TFAP2C: variants seen among roughly 807,000 people sequenced by gnomAD.
TFAP2C encodes transcription factor AP-2 gamma.
A neutral mutation model predicts 42.9 loss-of-function variants in TFAP2C; 9 were observed. That is an observed-to-expected ratio of 0.21 (90% CI 0.13 to 0.37). The LOEUF (loss-of-function observed/expected upper bound fraction) is 0.37. Ranked by LOEUF, TFAP2C falls within the 10% of genes least tolerant of loss-of-function variation. The pLI, the probability that TFAP2C is intolerant of heterozygous loss-of-function variation, is 1.00. For synonymous variants in TFAP2C, 264 were observed against 256.0 expected, an observed-to-expected ratio of 1.03 and a Z score of -0.30; for missense variants, 462 against 591.7, an observed-to-expected ratio of 0.78 and a Z score of 2.27.
At position 56,637,764 on chromosome 20, in the gene TFAP2C, A is replaced by C; in HGVS notation, c.1104A>C (p.Gln368His). ...AAGAATTCACAGAACTTCTCAGCCA[A>C]GACCGGACACCCCATGGGACCAGCA... Reference protein sequence around the residue: ...LCKEFTELLSQDRTPHGTSRL... With the variant: ...LCKEFTELLSHDRTPHGTSRL... The change falls in exon 7 of 7, where the codon CAA (glutamine) becomes CAC (histidine). Residue 368 changes from glutamine (Q) to histidine (H), a missense_variant. Physicochemically the swap from Gln to His is conservative, Grantham distance 24. Transcript: ENST00000201031. 1 of 1,614,212 alleles carries C rather than the reference A, an allele frequency of 6.2e-7. No individual in the cohort carries two copies. Among genetic ancestry groups the C allele is most frequent in the Non-Finnish European group, 8.5e-7 (1 of 1,180,042 alleles).
In TFAP2C at chr20:56,631,906, G is replaced by C. The variant is rs748910870; in HGVS notation, c.586+50G>C. On this transcript the variant is annotated intron_variant, in intron 3 of 6. Coordinates refer to ENST00000201031, the MANE Select transcript of TFAP2C (RefSeq NM_003222.4). This position sits in a 1 kb window ranked among gnomAD's most constrained non-coding sequence, Gnocchi z 6.1. ...AACTCTGGTCACACGATCTGGGCTTGTGAAGTTGACTGGCAAGGTTGGGGG... is the reference window on the plus strand; with the variant it reads ...AACTCTGGTCACACGATCTGGGCTTCTGAAGTTGACTGGCAAGGTTGGGGG... The C allele has an allele frequency of 1.9e-6, 3 of 1,608,668 alleles. No homozygotes were observed. In the African/African-American group the frequency reaches 4.0e-5, roughly 21 times the overall value.
rs189017094 is a variant in TFAP2C at position 56,631,041 on chromosome 20, C to A, written c.49-164C>A. On this transcript the variant is annotated intron_variant, in intron 1 of 6. Coordinates refer to ENST00000201031, the MANE Select transcript of TFAP2C (RefSeq NM_003222.4). This position sits in a 1 kb window ranked among gnomAD's most constrained non-coding sequence, Gnocchi z 6.1. ...CGCACTCTTTGCTTACAACGAAATCCTCGGGGCGCATTGCCCCCGGGTACC... is the reference window on the plus strand; with the variant it reads ...CGCACTCTTTGCTTACAACGAAATCATCGGGGCGCATTGCCCCCGGGTACC... The A allele has an allele frequency of 1.1e-5, 11 of 985,236 alleles. No individual in the cohort carries two copies. In the Admixed American group the frequency reaches 2.5e-4, roughly 22 times the overall value. 61.0% of individuals were successfully genotyped at this position (985,236 alleles called of 1,614,324 possible). A position where few individuals can be genotyped will look rare whatever the true frequency, so the allele number is the denominator to read the frequency against.
chr20:56,637,280 G>A (rs1281295331), intron 6 of TFAP2C, among the ~76,000 whole-genome samples: 2 of 152,214 alleles, frequency 1.3e-5, no homozygotes, highest in Non-Finnish European at 1.5e-5. Flanking sequence ...AGGAAATGGG[G>A]TAAAAGAGAG....
Position 56,636,600 on chromosome 20 carries a change from A to G in TFAP2C, c.923-10A>G, listed in dbSNP as rs772200079. ...ACAGCCATCCTAAAAGCTGTTGCTG[A>G]TTATTCTAGGTGAAGCTGTTCATTT... is the stretch of plus-strand genomic sequence containing the variant. On this transcript the variant is annotated splice_polypyrimidine_tract_variant and intron_variant, in intron 5 of 6. Transcript: ENST00000201031. 1 of 1,607,010 alleles carries G rather than the reference A, an allele frequency of 6.2e-7. No homozygotes were observed. The highest frequency in any genetic ancestry group is 8.5e-7 in the Non-Finnish European group (1 of 1,177,996).
Position 56,630,250 on chromosome 20 carries a change from G to T in TFAP2C, c.48+658G>T. The T allele has an allele frequency of 1.3e-5, 4 of 305,744 alleles. No homozygotes were observed. Among genetic ancestry groups the T allele is most frequent in the South Asian group, 9.5e-5 (4 of 41,958 alleles). The allele number at this position is 305,744 out of a possible 1,614,324, so 18.9% of individuals were successfully genotyped here. On this transcript the variant is annotated intron_variant, in intron 1 of 6. Transcript: ENST00000201031. The surrounding 1 kb of genome is among the most constrained non-coding windows in gnomAD (Gnocchi z 5.1). ...AGCGCTAGGCGAGCTCAGGGGCGCC[G>T]GGAGCGCGGAGCTCGGGCTACGGAC...
Position 56,631,294 on chromosome 20 carries a change from C to T in TFAP2C, c.138C>T (p.Leu46=). 2 of 1,607,776 alleles carry T rather than the reference C, an allele frequency of 1.2e-6. No homozygotes were observed. Among genetic ancestry groups the T allele is most frequent in the Non-Finnish European group, 1.7e-6 (2 of 1,177,800 alleles). The change falls in exon 2 of 7, where the codon CTC becomes CTT. Residue 46 remains leucine, a synonymous_variant. Transcript: ENST00000201031. This position sits in a 1 kb window ranked among gnomAD's most constrained non-coding sequence, Gnocchi z 6.1. ...ACCTCTACAGCCCCGCGCCACCCCT[C>T]TCCCACACTGGAGTCGCCGAATATC... The part of the protein sequence containing the change: ...GQHLYSPAPP[L]SHTGVAEYQP...
rs1987484298 is a variant in TFAP2C, at chr20:56,631,258, C to T, written c.102C>T (p.Ser34=). 1.9e-6 allele frequency: 3 copies of T among 1,587,660 alleles called. No homozygotes were observed. Among genetic ancestry groups the T allele is most frequent in the Non-Finnish European group, 1.7e-6 (2 of 1,168,128 alleles). The change falls in exon 2 of 7, where the codon TCC becomes TCT. Residue 34 remains serine (S), a synonymous_variant. Coordinates refer to ENST00000201031, the MANE Select transcript of TFAP2C (RefSeq NM_003222.4). The surrounding 1 kb of genome is among the most constrained non-coding windows in gnomAD (Gnocchi z 6.1). Reference sequence around the variant, plus strand: ...ATCCGCGGGTCCCCCACCTCTCCTCCGCCGGGCAGCACCTCTACAGCCCCG... The same window carrying T: ...ATCCGCGGGTCCCCCACCTCTCCTCTGCCGGGCAGCACCTCTACAGCCCCG... The part of the protein sequence containing the change: ...NGNPRVPHLS[S]AGQHLYSPAP...
In TFAP2C at chr20:56,630,449, G is replaced by C. The variant is rs1987466199; in HGVS notation, c.49-756G>C. The C allele has an allele frequency of 5.0e-6, 2 of 396,686 alleles. No homozygotes were observed. Among genetic ancestry groups the C allele is most frequent in the South Asian group, 3.5e-5 (2 of 57,644 alleles). 24.6% of individuals were successfully genotyped at this position (396,686 alleles called of 1,614,324 possible). ...CTGAGTCGGGCCGCCCAGGGGCGAG[G>C]GAACGTGCGCGGGCAAGGCTGCCCA... On this transcript the variant is annotated intron_variant, in intron 1 of 6. Transcript: ENST00000201031. The surrounding 1 kb of genome is among the most constrained non-coding windows in gnomAD (Gnocchi z 5.1).
Position 56,637,622 on chromosome 20 carries a change from C to T in TFAP2C, c.1068-106C>T, listed in dbSNP as rs996213142. The T allele has an allele frequency of 9.1e-6, 9 of 992,344 alleles. No homozygotes were observed. In the African/African-American group the frequency reaches 1.4e-4, roughly 16 times the overall value. 61.5% of individuals were successfully genotyped at this position (992,344 alleles called of 1,614,324 possible). A position where few individuals can be genotyped will look rare whatever the true frequency, so the allele number is the denominator to read the frequency against. On this transcript the variant is annotated intron_variant, in intron 6 of 6. Coordinates refer to ENST00000201031, the MANE Select transcript of TFAP2C (RefSeq NM_003222.4). Reference sequence around the variant, plus strand: ...TAAATTCTCCTTCCTCGGGTTGAAGCAGTTGTGCTTGCCTCCCGGGCGCCA... The same window carrying T: ...TAAATTCTCCTTCCTCGGGTTGAAGTAGTTGTGCTTGCCTCCCGGGCGCCA...
intron 5 of TFAP2C, among the ~76,000 whole-genome samples, chr20:56,635,515 A>G (rs1600899115): frequency 6.6e-6 from 1 of 152,192 alleles, no homozygotes; most frequent in East Asian, 1.9e-4. Flanking sequence ...CTTTTTTAAA[A>G]GAAACATTCT....
intron 3 of TFAP2C, among the ~76,000 whole-genome samples, 157 bp from the exon 4 acceptor site, chr20:56,633,196 A>AT (rs995602140): frequency 5.6e-4 from 82 of 147,712 alleles, no homozygotes; most frequent in East Asian, 2.2e-3. Flanking sequence ...GACTCTTATT[A>AT]TTTTTTTTTT....
rs538776730 is a variant in TFAP2C at position 56,630,955 on chromosome 20, T to G, written c.49-250T>G. The G allele has an allele frequency of 4.1e-6, 4 of 985,392 alleles. No individual in the cohort carries two copies. The South Asian group carries it at 1.4e-4, about 35-fold the overall frequency. The allele number at this position is 985,392 out of a possible 1,614,324, so 61.0% of individuals were successfully genotyped here. On this transcript the variant is annotated intron_variant, in intron 1 of 6. Coordinates refer to ENST00000201031, the MANE Select transcript of TFAP2C (RefSeq NM_003222.4). This position sits in a 1 kb window ranked among gnomAD's most constrained non-coding sequence, Gnocchi z 5.1. The stretch of plus-strand genomic sequence containing the variant: ...CGGGCTTGGGAGCAGCGCCTAGACC[T>G]TCGCCGCCGGGCTTTGAGAACTCGT...
Position 56,631,037 on chromosome 20 carries a change from A to G in TFAP2C, c.49-168A>G. ...TCCCCGCACTCTTTGCTTACAACGA[A>G]ATCCTCGGGGCGCATTGCCCCCGGG... is the stretch of plus-strand genomic sequence containing the variant. On this transcript the variant is annotated intron_variant, in intron 1 of 6. Transcript: ENST00000201031. The surrounding 1 kb of genome is among the most constrained non-coding windows in gnomAD (Gnocchi z 6.1). 1.0e-6 allele frequency: 1 copy of G among 985,198 alleles called. No individual in the cohort carries two copies. The highest frequency in any genetic ancestry group is 1.7e-5 in the African/African-American group (1 of 57,320). 61.0% of individuals were successfully genotyped at this position (985,198 alleles called of 1,614,324 possible). A position where few individuals can be genotyped will look rare whatever the true frequency, so the allele number is the denominator to read the frequency against.
At chr20:56,634,103 T>A (rs1236085295) in intron 4 of TFAP2C, 47 bp from the exon 5 acceptor site, 1 of 1,287,710 alleles carries the variant, frequency 7.8e-7, no homozygotes, top group Admixed American at 1.8e-5. Flanking sequence ...CGTGTGTATG[T>A]GTTTTTGTTT....
Position 56,630,704 on chromosome 20 carries a change from G to C in TFAP2C, c.49-501G>C. The C allele has an allele frequency of 1.0e-6, 1 of 985,340 alleles. No homozygotes were observed. The highest frequency in any genetic ancestry group is 1.7e-5 in the African/African-American group (1 of 57,358). The allele number at this position is 985,340 out of a possible 1,614,324, so 61.0% of individuals were successfully genotyped here. On this transcript the variant is annotated intron_variant, in intron 1 of 6. Coordinates refer to ENST00000201031, the MANE Select transcript of TFAP2C (RefSeq NM_003222.4). This position sits in a 1 kb window ranked among gnomAD's most constrained non-coding sequence, Gnocchi z 5.1. ...TTGTCCCGAGGGCGTGGAAGGGAGG[G>C]TCCCGGGGGCGGGGGAGGTGCGCAT...
At chr20:56,633,095 G>T (rs1760287192) in intron 3 of TFAP2C, among the ~76,000 whole-genome samples, 1 of 152,078 alleles carries the variant, frequency 6.6e-6, no homozygotes, top group Admixed American at 6.6e-5. Context: ...TGTAGTGGTG[G>T]GCACCTGCTG....
In TFAP2C at chr20:56,631,715, C is replaced by A. The variant is rs1212772624; in HGVS notation, c.534+25C>A. The A allele has an allele frequency of 1.9e-6, 3 of 1,604,740 alleles. No homozygotes were observed. Among genetic ancestry groups the A allele is most frequent in the South Asian group, 2.2e-5 (2 of 89,592 alleles). ...GGTGAGCGGCGCTGCGGCTCCTGAC[C>A]GGACCTGTTCACCCTACGGCCTTCT... On this transcript the variant is annotated intron_variant, in intron 2 of 6. Transcript: ENST00000201031. The surrounding 1 kb of genome is among the most constrained non-coding windows in gnomAD (Gnocchi z 6.1).
chr20:56,633,123 G>T (rs759763115), intron 3 of TFAP2C, among the ~76,000 whole-genome samples: 1 of 152,010 alleles, frequency 6.6e-6, no homozygotes, highest in Non-Finnish European at 1.5e-5. Flanking sequence ...ACTTGAGCCC[G>T]CAAGCTGAGG....
chr20:56,637,045 A>T (rs1443407912), intron 6 of TFAP2C, among the ~76,000 whole-genome samples: 1 of 152,246 alleles, frequency 6.6e-6, no homozygotes, highest in Admixed American at 6.5e-5. Flanking sequence ...TCTTACAAAA[A>T]TGTGTTGAAA....
Sources: gnomAD v4.1 joint callset for allele counts (sites outside exome capture counted in the v4.1 genomes callset) on GRCh38, gnomAD v4.1.1 for gene constraint, Gnocchi (gnomAD v3.1) non-coding constraint, MANE v1.5 for transcripts, NCBI Gene and HGNC (gene_info 2026-07-23, HGNC 2026-07-21) for gene names.